Variants in UIMC1 observed in about 807,000 individuals in gnomAD.
The protein encoded by UIMC1 is ubiquitin interaction motif containing 1.
In UIMC1, 42 loss-of-function variants were observed where a neutral mutation model predicts 84.9. That is an observed-to-expected ratio of 0.49 (90% confidence interval 0.39 to 0.64). The LOEUF (loss-of-function observed/expected upper bound fraction) is 0.64. Ranked by LOEUF, UIMC1 falls within the 30% of genes least tolerant of loss-of-function variation. The probability of loss-of-function intolerance (pLI) is 0.00; values close to 1 mark genes in which losing one functional copy is unlikely to be tolerated. For synonymous variants in UIMC1, 281 were observed against 293.0 expected (o/e 0.96, Z 0.42); for missense variants, 825 against 847.6 (o/e 0.97, Z 0.33).
intron 3 of UIMC1, among the ~76,000 whole-genome samples, chr5:176,972,671 G>A (rs1769432141): frequency 6.6e-6 from 1 of 152,080 alleles, no homozygotes; most frequent in African/African-American, 2.4e-5. Flanking sequence ...GGGAGGCGGA[G>A]GTTGCAGCGA....
At position 176,938,626 on chromosome 5, in the gene UIMC1, G is replaced by C. The variant is rs138673604; in HGVS notation, c.1597+4709C>G. 6.1e-4 allele frequency among the ~76,000 whole-genome samples: 93 copies of C among 152,254 alleles called. 1 individual carries two copies. Among genetic ancestry groups the C allele is most frequent in the African/African-American group, 2.2e-3 (90 of 41,546 alleles). ...TTAGGAAGATTAAGACGAAGCTATT[G>C]TTTAGTGGCCATTTCCCTTGCTTCT... On this transcript the variant is annotated intron_variant, in intron 10 of 14. Transcript: ENST00000511320.
chr5:177,013,361 AACACACACAC>A lies in UIMC1; in HGVS notation c.-9+9093_-9+9102del, dbSNP rs6149367. 1.5e-3 allele frequency among the ~76,000 whole-genome samples: 207 copies of A among 137,820 alleles called. 1 individual carries two copies. The East Asian group carries it at 0.016, about 10-fold the overall frequency. 90.4% of individuals were successfully genotyped at this position (137,820 alleles called of 152,430 possible). A position where few individuals can be genotyped will look rare whatever the true frequency, so the allele number is the denominator to read the frequency against. On this transcript the variant is annotated intron_variant, in intron 1 of 5. Transcript: ENST00000509236. ...GGACAACAGAGCAAGACTGCATCCA[AACACACACAC>A]ACACACACACACACACACACACACA...
intron 10 of UIMC1, among the ~76,000 whole-genome samples, chr5:176,941,270 C>T (rs181685932): frequency 1.3e-5 from 2 of 152,218 alleles, no homozygotes; most frequent in African/African-American, 4.8e-5. Context: ...CAGACCTCAA[C>T]TACGTCAAAA....
chr5:176,970,633 G>A (rs1047735058), intron 4 of UIMC1, 109 bp downstream of exon 4: 4 of 1,563,818 alleles, frequency 2.6e-6, no homozygotes, highest in Non-Finnish European at 1.7e-6. Context: ...TTTGTTAGGT[G>A]AAAACCCTAT....
intron 13 of UIMC1, 97 bp downstream of exon 13, chr5:176,907,017 C>G: frequency 1.6e-6 from 2 of 1,285,354 alleles, no homozygotes; most frequent in Non-Finnish European, 2.2e-6. Flanking sequence ...ACGTGTGTAC[C>G]CAGATAACCA....
chr5:176,971,501 T>C (rs1173347469), intron 3 of UIMC1, among the ~76,000 whole-genome samples: 1 of 152,218 alleles, frequency 6.6e-6, no homozygotes, highest in Admixed American at 6.5e-5. Flanking sequence ...ACTAGAGTCA[T>C]ATCGAAAGAA....
At chr5:177,006,171 C>A (rs1189355070) in intron 1 of UIMC1, 1 of 152,202 alleles carries the variant, frequency 6.6e-6, no homozygotes, top group African/African-American at 2.4e-5. Flanking sequence ...ATGCAGGCCG[C>A]CCCCCAGGTG....
chr5:176,990,187 A>C (rs927264867), intron 1 of UIMC1, among the ~76,000 whole-genome samples: 7 of 151,914 alleles, frequency 4.6e-5, no homozygotes, highest in Non-Finnish European at 1.0e-4. Flanking sequence ...TTACAAAAAA[A>C]AAAAACAAAA....
intron 6 of UIMC1, among the ~76,000 whole-genome samples, chr5:176,958,475 C>T (rs1286685778): frequency 5.3e-5 from 8 of 152,200 alleles, no homozygotes; most frequent in Admixed American, 4.6e-4. Flanking sequence ...GTACACAATG[C>T]ACTTCATAAC....
At chr5:176,948,076 T>C (rs554187414) in intron 9 of UIMC1, among the ~76,000 whole-genome samples, 2 of 152,054 alleles carry the variant, frequency 1.3e-5, no homozygotes, top group East Asian at 3.9e-4. Context: ...ACTCTTAACA[T>C]AGTTTACTGA....
chr5:177,020,556 G>A (rs916267565), intron 1 of UIMC1, among the ~76,000 whole-genome samples: 10 of 152,066 alleles, frequency 6.6e-5, no homozygotes, highest in Admixed American at 3.9e-4. Flanking sequence ...TCAGCCTCCC[G>A]AGTAGCTGGG....
At chr5:176,926,564 G>C (rs1243900460) in intron 10 of UIMC1, among the ~76,000 whole-genome samples, 1 of 151,974 alleles carries the variant, frequency 6.6e-6, no homozygotes. Context: ...TGGAGCCCAG[G>C]AGTTCAAGGT....
At position 176,941,847 on chromosome 5, in the gene UIMC1, A is replaced by G. The variant is rs556281518; in HGVS notation, c.1597+1488T>C. Among the ~76,000 whole-genome samples the G allele has an allele frequency of 8.3e-4, 125 of 150,520 alleles. 2 individuals carry two copies. Among genetic ancestry groups the G allele is most frequent in the African/African-American group, 3.0e-3 (121 of 41,012 alleles). On this transcript the variant is annotated intron_variant, in intron 10 of 14. Transcript: ENST00000511320. ...CTGAAAAGTAGGGATTTTGGTACAG[A>G]CTTTTTTTTTTTTGAGATGAAGTTT...
At chr5:177,006,532 G>A (rs544722007) in intron 1 of UIMC1, 118 bp downstream of exon 1, 3 of 152,444 alleles carry the variant, frequency 2.0e-5, no homozygotes, top group South Asian at 2.1e-4. Flanking sequence ...CGTCGGGAGA[G>A]GCCTACCTTG....
upstream of UIMC1, among the ~76,000 whole-genome samples, chr5:177,009,852 T>C (rs1302904178): frequency 2.0e-5 from 3 of 152,040 alleles, no homozygotes; most frequent in Non-Finnish European, 4.4e-5. The surrounding 1 kb of genome is among the most constrained non-coding windows in gnomAD (Gnocchi z 4.3). Context: ...CTGGTCAACA[T>C]GGCGAAACCC....
intron 3 of UIMC1, among the ~76,000 whole-genome samples, chr5:176,975,159 T>A (rs542486548): frequency 8.0e-4 from 122 of 152,022 alleles, no homozygotes; most frequent in Non-Finnish European, 1.2e-3. Context: ...AAAATAAATT[T>A]AAAAAAATTT....
At chr5:176,975,961 GAAAC>G (rs1205566518) in intron 2 of UIMC1, among the ~76,000 whole-genome samples, 2 of 151,834 alleles carry the variant, frequency 1.3e-5, no homozygotes, top group East Asian at 3.8e-4. Context: ...AATTTAATAA[GAAAC>G]GCAAACAAAA....
At position 176,943,558 on chromosome 5, in the gene UIMC1, G is replaced by C. The variant is rs1348824682; in HGVS notation, c.1444-70C>G. On this transcript the variant is annotated intron_variant, in intron 9 of 14. Transcript: ENST00000511320. ...TCATTCCCTACAACGAACTGCAAGAGACTCCACCCCATATTTCACTTACTT... is the reference window on the plus strand; with the variant it reads ...TCATTCCCTACAACGAACTGCAAGACACTCCACCCCATATTTCACTTACTT... 8 of 1,541,636 alleles carry C rather than the reference G, an allele frequency of 5.2e-6. No homozygotes were observed. In the African/African-American group the frequency reaches 5.5e-5, roughly 11 times the overall value.
intron 10 of UIMC1, among the ~76,000 whole-genome samples, chr5:176,930,387 T>C (rs1389960357): frequency 6.6e-6 from 1 of 152,254 alleles, no homozygotes; most frequent in Non-Finnish European, 1.5e-5. Context: ...CACAGATTAC[T>C]AGCTTTTGAG....
Sources: allele counts gnomAD v4.1 joint callset (sites outside exome capture counted in the v4.1 genomes callset), GRCh38; gene constraint gnomAD v4.1.1; non-coding constraint Gnocchi (gnomAD v3.1); transcripts MANE v1.5; gene names NCBI Gene and HGNC (gene_info 2026-07-23, HGNC 2026-07-21).